IL7R: variants seen among roughly 807,000 people sequenced by gnomAD.
IL7R encodes the protein interleukin-7 receptor subunit alpha.
In IL7R, 38 loss-of-function variants were observed where a neutral mutation model predicts 47.0. That is an observed-to-expected ratio of 0.81 (90% CI 0.62 to 1.06). The LOEUF is 1.06. Among genes scored for constraint, IL7R ranks in the 50% least tolerant of loss-of-function variants. The probability of loss-of-function intolerance (pLI) is 0.00; values close to 1 mark genes in which losing one functional copy is unlikely to be tolerated. For missense variants in IL7R, 633 were observed against 534.8 expected (o/e 1.18, Z -1.81); for synonymous variants, 221 against 199.8 (o/e 1.11, Z -0.89).
intron 6 of IL7R, chr5:35,875,279 C>T: frequency 3.5e-6 from 2 of 568,934 alleles, no homozygotes; most frequent in South Asian, 1.9e-5. Flanking sequence ...ATTGTCATGT[C>T]TTGTTCACAG....
chr5:35,857,551 G>A (rs1024548519), intron 1 of IL7R, among the ~76,000 whole-genome samples: 5 of 152,138 alleles, frequency 3.3e-5, no homozygotes, highest in African/African-American at 1.2e-4. Flanking sequence ...CTAGAATATA[G>A]TAGACATCCA....
In IL7R at chr5:35,877,124, G is replaced by A. The variant is rs999676304; in HGVS notation, c.*638G>A. 1.7e-5 allele frequency: 4 copies of A among 233,698 alleles called. No individual in the cohort carries two copies. Among genetic ancestry groups the A allele is most frequent in the Admixed American group, 5.6e-5 (1 of 17,862 alleles). The allele number at this position is 233,698 out of a possible 1,614,324, so 14.5% of individuals were successfully genotyped here. ...TCACTGAGGACTGCCCCATTCTTGA[G>A]TGCCAAACGTCACTAGTAACAGGGT... On this transcript the variant is annotated 3_prime_UTR_variant, in exon 8 of 8. Transcript: ENST00000303115.
In IL7R at chr5:35,879,588, A is replaced by G. The variant is rs1760302001; in HGVS notation, c.*3102A>G. 1 of 214,688 alleles carries G rather than the reference A, an allele frequency of 4.7e-6. No homozygotes were observed. Among genetic ancestry groups the G allele is most frequent in the South Asian group, 1.9e-4 (1 of 5,376 alleles). 13.3% of individuals were successfully genotyped at this position (214,688 alleles called of 1,614,324 possible). On this transcript the variant is annotated 3_prime_UTR_variant, in exon 8 of 8. Coordinates refer to ENST00000303115, the MANE Select transcript of IL7R (RefSeq NM_002185.5). ...TAATAACCATCTCATATTTAATTAA[A>G]TGGTATAGAAGAACACTTTGTGGCA...
rs749002533 is a variant in IL7R at position 35,876,531 on chromosome 5, A to T, written c.*45A>T. 5 of 1,596,184 alleles carry T rather than the reference A, an allele frequency of 3.1e-6. No individual in the cohort carries two copies. The South Asian group carries it at 3.3e-5, about 11-fold the overall frequency. On this transcript the variant is annotated 3_prime_UTR_variant, in exon 8 of 8. Transcript: ENST00000303115. ...GAACTTACCGTGAGCGACAAAGATG[A>T]TTTAAAAGGGAAGTCTAGAGTTCCT...
chr5:35,865,269 T>A (rs1038769630), intron 2 of IL7R, among the ~76,000 whole-genome samples: 20 of 152,302 alleles, frequency 1.3e-4, no homozygotes, highest in Admixed American at 1.2e-3. Flanking sequence ...TTCATCCATG[T>A]CCCTATAAAG....
At chr5:35,873,165 T>C (rs966023667) in intron 4 of IL7R, 1 of 368,640 alleles carries the variant, frequency 2.7e-6, no homozygotes, top group African/African-American at 2.1e-5. Context: ...CCCCTTAATA[T>C]GTGAAAGGAT....
intron 6 of IL7R, 52 bp from the exon 7 acceptor site, chr5:35,875,460 G>A (rs746719598): frequency 1.7e-6 from 2 of 1,203,532 alleles, no homozygotes; most frequent in East Asian, 2.3e-5. Flanking sequence ...AAGACTCAGT[G>A]TGCCTGTGCC....
At position 35,876,602 on chromosome 5, in the gene IL7R, T is replaced by C. The variant is rs1299306182; in HGVS notation, c.*116T>C. The C allele has an allele frequency of 2.8e-6, 3 of 1,063,114 alleles. No individual in the cohort carries two copies. The highest frequency in any genetic ancestry group is 4.2e-6 in the Non-Finnish European group (3 of 709,962). The allele number at this position is 1,063,114 out of a possible 1,614,324, so 65.9% of individuals were successfully genotyped here. On this transcript the variant is annotated 3_prime_UTR_variant, in exon 8 of 8. Transcript: ENST00000303115. ...GAAGACAAAATTAGCAAAACCCCAC[T>C]ACACAGTCTGCAAGATTCTGAAACA...
intron 3 of IL7R, among the ~76,000 whole-genome samples, chr5:35,870,813 C>T (rs1481917751): frequency 6.6e-6 from 1 of 152,098 alleles, no homozygotes; most frequent in African/African-American, 2.4e-5. Context: ...GTGTCTGGCC[C>T]AGGGTGGAAG....
chr5:35,865,692 G>T (rs1390877798), intron 2 of IL7R, among the ~76,000 whole-genome samples: 1 of 151,792 alleles, frequency 6.6e-6, no homozygotes, highest in Non-Finnish European at 1.5e-5. Context: ...GTTTTGATTT[G>T]CATTTCTCTG....
In IL7R at chr5:35,857,009, T is replaced by C. The variant is rs539820821; in HGVS notation, c.32T>C (p.Val11Ala). Residue 11 changes from valine (V) to alanine (A), a missense_variant, in exon 1 of 8, where the codon GTT becomes GCT. By Grantham distance (64) the Val-to-Ala change is moderately conservative. Transcript: ENST00000303115. ...ATTCTAGGTACAACTTTTGGCATGG[T>C]TTTTTCTTTACTTCAAGTCGTTTCT... MTILGTTFGM[V>A]FSLLQVVSGE... 5.0e-6 allele frequency: 8 copies of C among 1,609,688 alleles called. No individual in the cohort carries two copies. In the Admixed American group the frequency reaches 6.7e-5, roughly 13 times the overall value.
At chr5:35,870,243 A>G (rs187379518) in intron 3 of IL7R, among the ~76,000 whole-genome samples, 84 of 152,288 alleles carry the variant, frequency 5.5e-4, no homozygotes, top group African/African-American at 1.9e-3. Context: ...AATAATACCA[A>G]TCTCCCTCCA....
chr5:35,860,458 A>G (rs1488261233), intron 1 of IL7R, among the ~76,000 whole-genome samples: 2 of 152,172 alleles, frequency 1.3e-5, no homozygotes, highest in African/African-American at 4.8e-5. Flanking sequence ...GGATAATGGA[A>G]ATAAAGTGTC....
At chr5:35,866,712 T>C (rs1302726236) in intron 2 of IL7R, among the ~76,000 whole-genome samples, 1 of 152,146 alleles carries the variant, frequency 6.6e-6, no homozygotes, top group Non-Finnish European at 1.5e-5. Flanking sequence ...CTTATTATAC[T>C]TTTAACATCT....
intron 4 of IL7R, among the ~76,000 whole-genome samples, chr5:35,872,203 A>G (rs1029100368): frequency 6.6e-6 from 1 of 152,204 alleles, no homozygotes; most frequent in African/African-American, 2.4e-5. Flanking sequence ...TTCAATAAAT[A>G]CATGAATTTT....
rs1345644888 is a variant in IL7R at position 35,867,315 on chromosome 5, C to T, written c.231C>T (p.Leu77=). ...TNLEFEICGA[L]VEVKCLNFRK... is the part of the protein sequence containing the mutation. Reference sequence around the variant, plus strand: ...CTTTTTATTCCTACAGTGGGGCCCTCGTGGAGGTAAAGTGCCTGAATTTCA... The same window carrying T: ...CTTTTTATTCCTACAGTGGGGCCCTTGTGGAGGTAAAGTGCCTGAATTTCA... Residue 77 remains leucine, a synonymous_variant, in exon 3 of 8, where the codon CTC becomes CTT. Coordinates refer to ENST00000303115, the MANE Select transcript of IL7R (RefSeq NM_002185.5). 8 of 1,613,312 alleles carry T rather than the reference C, an allele frequency of 5.0e-6. No homozygotes were observed. The highest frequency in any genetic ancestry group is 1.3e-5 in the African/African-American group (1 of 74,852).
At position 35,876,403 on chromosome 5, in the gene IL7R, C is replaced by G. The variant is rs900375902; in HGVS notation, c.1297C>G (p.Gln433Glu). 6 of 1,613,026 alleles carry G rather than the reference C, an allele frequency of 3.7e-6. No homozygotes were observed. The highest frequency in any genetic ancestry group is 2.7e-5 in the African/African-American group (2 of 74,904). Residue 433 changes from glutamine to glutamate, a missense_variant, in exon 8 of 8, where the codon CAG becomes GAG. By Grantham distance (29) the Gln-to-Glu change is conservative. Coordinates refer to ENST00000303115, the MANE Select transcript of IL7R (RefSeq NM_002185.5). ...SGILTLNPVA[Q>E]GQPILTSLGS... is the part of the protein sequence containing the mutation. ...AATCCTGACATTGAACCCAGTTGCT[C>G]AGGGTCAGCCCATTCTTACTTCCCT...
At chr5:35,869,011 T>A (rs1487392354) in intron 3 of IL7R, among the ~76,000 whole-genome samples, 1 of 151,984 alleles carries the variant, frequency 6.6e-6, no homozygotes, top group Admixed American at 6.6e-5. Context: ...AGGGGTAGTG[T>A]GAGTCTCTTG....
rs1205252291 is a variant in IL7R at position 35,857,065 on chromosome 5, T to A, written c.82+6T>A. ...AAGTGGCTATGCTCAAAATGGTGAG[T>A]CATTTCTAAGTTTTCTTATGGATTT... On this transcript the variant is annotated splice_donor_region_variant and intron_variant, in intron 1 of 7. Transcript: ENST00000303115. 6.4e-7 allele frequency: 1 copy of A among 1,562,266 alleles called. No individual in the cohort carries two copies. Among genetic ancestry groups the A allele is most frequent in the South Asian group, 1.1e-5 (1 of 90,208 alleles).
Sources: gnomAD v4.1 joint callset for allele counts (sites outside exome capture counted in the v4.1 genomes callset) on GRCh38, gnomAD v4.1.1 for gene constraint, MANE v1.5 for transcripts, NCBI Gene and HGNC (gene_info 2026-07-23, HGNC 2026-07-21) for gene names.